CACNA1C: variants seen among roughly 807,000 people sequenced by gnomAD.
CACNA1C encodes the protein voltage-dependent L-type calcium channel subunit alpha-1C.
A neutral mutation model predicts 229.0 loss-of-function variants in CACNA1C; 30 were observed. The observed-to-expected ratio is 0.13, with a 90% CI of 0.10 to 0.18. CACNA1C has a LOEUF of 0.18. CACNA1C is among the 10% of genes least tolerant of loss of function. CACNA1C has a pLI of 1.00. For synonymous variants in CACNA1C, 1,114 were observed against 1,132.5 expected, an observed-to-expected ratio of 0.98 and a Z score of 0.33; for missense variants, 1,658 against 2,845.0, an observed-to-expected ratio of 0.58 and a Z score of 9.49.
intron 3 of CACNA1C, among the ~76,000 whole-genome samples, chr12:2,358,296 TG>T (rs2097447702): frequency 1.4e-5 from 2 of 138,670 alleles, no homozygotes; most frequent in African/African-American, 2.9e-5. Flanking sequence ...TGTGTGTGTG[TG>T]TGTGTGTGTG....
chr12:2,025,408 A>G (rs781539861), intron 1 of CACNA1C, among the ~76,000 whole-genome samples: 1 of 152,136 alleles, frequency 6.6e-6, no homozygotes, highest in African/African-American at 2.4e-5. Context: ...TAGAGACTCT[A>G]GAGGTGAATG....
chr12:2,459,308 C>T (rs1276028384), intron 5 of CACNA1C, among the ~76,000 whole-genome samples: 2 of 151,932 alleles, frequency 1.3e-5, no homozygotes, highest in Non-Finnish European at 2.9e-5. Flanking sequence ...AGCCACTGCG[C>T]CCGGCCAATT....
chr12:2,019,218 T>C (rs1320282565), intron 1 of CACNA1C, among the ~76,000 whole-genome samples: 2 of 152,020 alleles, frequency 1.3e-5, no homozygotes, highest in Non-Finnish European at 2.9e-5. Flanking sequence ...TCCTGACCCT[T>C]TGGGAGGTTG....
Position 2,222,690 on chromosome 12 carries a change from G to A in CACNA1C, c.477+102260G>A, listed in dbSNP as rs79880581. Reference sequence around the variant, plus strand: ...TCATGCAACCAAATGGCCAGCTCACGTCTGATCCCAAGCCCTGAATTAAGT... The same window carrying A: ...TCATGCAACCAAATGGCCAGCTCACATCTGATCCCAAGCCCTGAATTAAGT... On this transcript the variant is annotated intron_variant, in intron 3 of 46. Transcript: ENST00000399655. Among the ~76,000 whole-genome samples, 20 of 152,270 alleles carry A rather than the reference G, an allele frequency of 1.3e-4. No individual in the cohort carries two copies. In the East Asian group the frequency reaches 3.7e-3, roughly 28 times the overall value.
chr12:2,317,666 A>G (rs2095762987), intron 3 of CACNA1C, among the ~76,000 whole-genome samples: 1 of 152,238 alleles, frequency 6.6e-6, no homozygotes, highest in Non-Finnish European at 1.5e-5. Context: ...ATTTTTAAAA[A>G]TAATTAAAAA....
At chr12:2,341,190 A>G (rs2154521658) in intron 3 of CACNA1C, among the ~76,000 whole-genome samples, 1 of 152,282 alleles carries the variant, frequency 6.6e-6, no homozygotes, top group African/African-American at 2.4e-5. Context: ...GGCACTGGTC[A>G]CACAGATCCT....
At chr12:2,283,239 A>C (rs2091889336) in intron 3 of CACNA1C, among the ~76,000 whole-genome samples, 1 of 152,154 alleles carries the variant, frequency 6.6e-6, no homozygotes, top group African/African-American at 2.4e-5. Flanking sequence ...GTGCAAGGCT[A>C]CTTCTCCTTA....
intron 3 of CACNA1C, among the ~76,000 whole-genome samples, chr12:2,232,315 T>C (rs1261164661): frequency 1.3e-5 from 2 of 150,482 alleles, no homozygotes; most frequent in Non-Finnish European, 3.0e-5. Flanking sequence ...TCAGTTATCA[T>C]GTAGAATGTC....
intron 29 of CACNA1C, among the ~76,000 whole-genome samples, chr12:2,615,460 C>A (rs769763921): frequency 1.3e-5 from 2 of 152,202 alleles, no homozygotes; most frequent in Non-Finnish European, 2.9e-5. Flanking sequence ...CTGAAGACAT[C>A]TATCATGTTC....
rs189425099 is a variant in CACNA1C at position 2,486,342 on chromosome 12, A to G, written c.916+80A>G. Reference sequence around the variant, plus strand: ...ACCTTTCCCGCTGCTGGCTACACCAACATGACCAGCAGAGCCCAGGGAAGG... The same window carrying G: ...ACCTTTCCCGCTGCTGGCTACACCAGCATGACCAGCAGAGCCCAGGGAAGG... On this transcript the variant is annotated intron_variant, in intron 6 of 46. Transcript: ENST00000399655. The surrounding 1 kb of genome is among the most constrained non-coding windows in gnomAD (Gnocchi z 4.9). 1.1e-5 allele frequency: 14 copies of G among 1,238,298 alleles called. No homozygotes were observed. Among genetic ancestry groups the G allele is most frequent in the Admixed American group, 2.0e-5 (1 of 50,786 alleles). 76.7% of individuals were successfully genotyped at this position (1,238,298 alleles called of 1,614,324 possible).
At chr12:2,502,055 A>G (rs1197507384) in intron 7 of CACNA1C, among the ~76,000 whole-genome samples, 1 of 152,196 alleles carries the variant, frequency 6.6e-6, no homozygotes, top group Non-Finnish European at 1.5e-5. Flanking sequence ...TGCAAGGTTG[A>G]CACAGGCCTG....
chr12:2,055,301 T>C (rs1223005301), intron 1 of CACNA1C, among the ~76,000 whole-genome samples: 1 of 152,172 alleles, frequency 6.6e-6, no homozygotes, highest in East Asian at 1.9e-4. Context: ...ATGACTCCCC[T>C]CCAGGTTCTG....
At chr12:2,068,969 C>T (rs547030791) in intron 1 of CACNA1C, among the ~76,000 whole-genome samples, 29 of 152,320 alleles carry the variant, frequency 1.9e-4, no homozygotes, top group African/African-American at 3.8e-4. Flanking sequence ...GACAGGGTTC[C>T]GCAGTTCCAG....
intron 1 of CACNA1C, among the ~76,000 whole-genome samples, chr12:2,070,050 C>A (rs1245522373): frequency 1.3e-5 from 2 of 152,256 alleles, no homozygotes; most frequent in Middle Eastern, 3.4e-3. Context: ...AGTGATCTTC[C>A]CGCCTTGGCC....
intron 3 of CACNA1C, among the ~76,000 whole-genome samples, chr12:2,255,151 CCT>C (rs552519123): frequency 1.1e-3 from 167 of 152,204 alleles, no homozygotes; most frequent in Non-Finnish European, 2.0e-3. Context: ...AGTCAGATTT[CCT>C]CTCTGTTTGC....
At chr12:2,213,729 C>T (rs1470135347) in intron 3 of CACNA1C, among the ~76,000 whole-genome samples, 1 of 152,306 alleles carries the variant, frequency 6.6e-6, no homozygotes, top group South Asian at 2.1e-4. Flanking sequence ...CCCCGGGCCC[C>T]GTCCACAGAG....
Position 2,238,070 on chromosome 12 carries a change from C to G in CACNA1C, c.477+117640C>G, listed in dbSNP as rs945852390. ...AAAAGCCAAACAATCCCACGGGTGGCAGAGACTCTTTGTTCTAGCCTTCGT... is the reference window on the plus strand; with the variant it reads ...AAAAGCCAAACAATCCCACGGGTGGGAGAGACTCTTTGTTCTAGCCTTCGT... On this transcript the variant is annotated intron_variant, in intron 3 of 46. Transcript: ENST00000399655. 5.3e-5 allele frequency among the ~76,000 whole-genome samples: 8 copies of G among 152,190 alleles called. No individual in the cohort carries two copies. In the East Asian group the frequency reaches 1.3e-3, roughly 26 times the overall value.
At chr12:2,673,933 C>T (rs1011450099) in intron 38 of CACNA1C, among the ~76,000 whole-genome samples, 13 of 152,206 alleles carry the variant, frequency 8.5e-5, no homozygotes, top group Non-Finnish European at 1.9e-4. Context: ...TCTTAGAATC[C>T]TGTCCCCTAC....
intron 3 of CACNA1C, among the ~76,000 whole-genome samples, chr12:2,432,900 G>A (rs2099099888): frequency 6.6e-6 from 1 of 152,130 alleles, no homozygotes; most frequent in African/African-American, 2.4e-5. Context: ...GAACCACCAG[G>A]AAGGAATTGG....
Sources: gnomAD v4.1 joint callset for allele counts (sites outside exome capture counted in the v4.1 genomes callset) on GRCh38, gnomAD v4.1.1 for gene constraint, Gnocchi (gnomAD v3.1) non-coding constraint, MANE v1.5 for transcripts, NCBI Gene and HGNC (gene_info 2026-07-23, HGNC 2026-07-21) for gene names.